The following TMC1 variants were observed in gnomAD, a reference collection of about 807,000 sequenced individuals.
TMC1 encodes the protein transmembrane channel like 1.
Under a neutral mutation model 105.8 loss-of-function variants are expected in TMC1, and 84 were observed. That is an observed-to-expected ratio of 0.79 (90% confidence interval 0.67 to 0.95). The LOEUF is 0.95. Among genes scored for constraint, TMC1 ranks in the 40% least tolerant of loss-of-function variants. The probability of loss-of-function intolerance (pLI) is 0.00; values close to 1 mark genes in which losing one functional copy is unlikely to be tolerated. For synonymous variants in TMC1, 315 were observed against 311.5 expected (o/e 1.01, Z -0.12); for missense variants, 817 against 914.1 (o/e 0.89, Z 1.37).
chr9:72,649,371 T>C (rs150754085), intron 5 of TMC1, among the ~76,000 whole-genome samples: 38 of 152,326 alleles, frequency 2.5e-4, no homozygotes, highest in African/African-American at 9.1e-4. Context: ...AGGAAAAACC[T>C]GGACACACAC....
intron 7 of TMC1, among the ~76,000 whole-genome samples, chr9:72,696,993 C>A (rs1019310239): frequency 6.6e-6 from 1 of 152,204 alleles, no homozygotes; most frequent in African/African-American, 2.4e-5. Flanking sequence ...ATTTTAATTA[C>A]CTTCATATTT....
intron 5 of TMC1, among the ~76,000 whole-genome samples, chr9:72,683,214 A>G (rs760728256): frequency 3.3e-5 from 5 of 152,142 alleles, no homozygotes; most frequent in African/African-American, 1.2e-4. Flanking sequence ...TTGTTGGGCA[A>G]TTCTTCTTTA....
At chr9:72,709,706 T>C (rs1826803348) in intron 8 of TMC1, among the ~76,000 whole-genome samples, 1 of 152,186 alleles carries the variant, frequency 6.6e-6, no homozygotes, top group South Asian at 2.1e-4. Flanking sequence ...TTGGCTGTAA[T>C]ATCTCCTATT....
At chr9:72,820,162 A>C (rs55646114) in intron 19 of TMC1, among the ~76,000 whole-genome samples, 2,857 of 152,330 alleles carry the variant, frequency 0.019, 79 homozygotes, top group African/African-American at 0.06. Context: ...GCTAGTTATA[A>C]ATTTTCAATA....
At chr9:72,779,265 A>G (rs1276412865) in intron 13 of TMC1, among the ~76,000 whole-genome samples, 3 of 152,238 alleles carry the variant, frequency 2.0e-5, no homozygotes, top group East Asian at 3.9e-4. Context: ...CAAAGGCATC[A>G]AAGAATTGCA....
intron 8 of TMC1, among the ~76,000 whole-genome samples, chr9:72,716,826 G>A (rs1334628774): frequency 6.6e-6 from 1 of 152,142 alleles, no homozygotes; most frequent in Non-Finnish European, 1.5e-5. Context: ...AACAACTCCT[G>A]CGGCTAGCTC....
At chr9:72,787,554 A>G (rs1305942914) in intron 13 of TMC1, among the ~76,000 whole-genome samples, 1 of 152,076 alleles carries the variant, frequency 6.6e-6, no homozygotes, top group African/African-American at 2.4e-5. Flanking sequence ...GTGAAAGGGA[A>G]AAAAGGAAGT....
chr9:72,814,896 TTGTG>T (rs57564294), intron 18 of TMC1, among the ~76,000 whole-genome samples: 7,858 of 119,162 alleles, frequency 0.066, 363 homozygotes, highest in African/African-American at 0.16. Flanking sequence ...TGGATCATCT[TTGTG>T]TGTGTGTGTG....
chr9:72,646,023 G>A (rs1246770683), intron 4 of TMC1, among the ~76,000 whole-genome samples: 1 of 152,034 alleles, frequency 6.6e-6, no homozygotes, highest in Non-Finnish European at 1.5e-5. Flanking sequence ...AATTTTTGAA[G>A]TCCTCTCACA....
chr9:72,590,173 A>G (rs1824614272), intron 2 of TMC1, among the ~76,000 whole-genome samples: 1 of 152,144 alleles, frequency 6.6e-6, no homozygotes, highest in South Asian at 2.1e-4. Flanking sequence ...GATTCAAATG[A>G]TAGCATTTTC....
chr9:72,646,991 A>G (rs1825723624), intron 4 of TMC1, among the ~76,000 whole-genome samples: 1 of 151,796 alleles, frequency 6.6e-6, no homozygotes, highest in African/African-American at 2.4e-5. Flanking sequence ...AAAATACAAA[A>G]ATTAGCCCGG....
At chr9:72,685,554 G>A (rs1221612038) in intron 5 of TMC1, among the ~76,000 whole-genome samples, 1 of 151,872 alleles carries the variant, frequency 6.6e-6, no homozygotes, top group African/African-American at 2.4e-5. Context: ...AGTAGAGGCG[G>A]GGTTTCACCT....
At chr9:72,752,348 A>T (rs1197199144) in intron 11 of TMC1, among the ~76,000 whole-genome samples, 2 of 152,110 alleles carry the variant, frequency 1.3e-5, no homozygotes, top group African/African-American at 4.8e-5. Context: ...TTTGAAAGAA[A>T]TGCTTCCTTA....
Position 72,751,912 on chromosome 9 carries a change from A to G in TMC1, c.598A>G (p.Met200Val), listed in dbSNP as rs1257701032. The change falls in exon 11 of 24, where the codon ATG (methionine) becomes GTG (valine). Residue 200 changes from methionine (M) to valine (V), a missense_variant. Transcript: ENST00000297784. ...CTTGAGATGGATGTATGGAGTCAAT[A>G]TGGTTCTCTTTATCCTGACATTTAG... ...LFLRWMYGVN[M>V]VLFILTFSLI... 6.2e-7 allele frequency: 1 copy of G among 1,613,564 alleles called. No homozygotes were observed. Among genetic ancestry groups the G allele is most frequent in the East Asian group, 2.2e-5 (1 of 44,864 alleles).
chr9:72,786,134 T>G (rs1288145723), intron 13 of TMC1, among the ~76,000 whole-genome samples: 1 of 152,126 alleles, frequency 6.6e-6, no homozygotes, highest in Non-Finnish European at 1.5e-5. Context: ...CTTGTCCAAG[T>G]CAAGAAATTC....
chr9:72,544,758 G>T (rs1823736623), intron 1 of TMC1, among the ~76,000 whole-genome samples: 1 of 150,140 alleles, frequency 6.7e-6, no homozygotes, highest in Non-Finnish European at 1.5e-5. Context: ...GGGATTACAG[G>T]CATGAGCCAG....
At chr9:72,802,258 C>CATACATACATACATACATAT (rs1564564708) in intron 17 of TMC1, among the ~76,000 whole-genome samples, 2 of 99,580 alleles carry the variant, frequency 2.0e-5, no homozygotes, top group Non-Finnish European at 4.5e-5. Flanking sequence ...TACATATATA[C>CATACATACATACATACATAT]ATACATACAT....
intron 1 of TMC1, among the ~76,000 whole-genome samples, chr9:72,540,472 T>A (rs1354689618): frequency 6.6e-6 from 1 of 150,590 alleles, no homozygotes; most frequent in Non-Finnish European, 1.5e-5. Flanking sequence ...CTCAGGGAAA[T>A]TCCTCATCTT....
At chr9:72,802,415 T>A (rs1009407709) in intron 17 of TMC1, among the ~76,000 whole-genome samples, 1 of 152,188 alleles carries the variant, frequency 6.6e-6, no homozygotes, top group African/African-American at 2.4e-5. Context: ...TGCTGGGCAT[T>A]GTGTGATTAT....
Sources: gnomAD v4.1 joint callset for allele counts (sites outside exome capture counted in the v4.1 genomes callset) on GRCh38, gnomAD v4.1.1 for gene constraint, MANE v1.5 for transcripts, NCBI Gene and HGNC (gene_info 2026-07-23, HGNC 2026-07-21) for gene names.